LINGO1: variants seen among roughly 807,000 people sequenced by gnomAD.
The protein encoded by LINGO1 is leucine rich repeat and Ig domain containing 1.
LINGO1 carries 11 observed loss-of-function variants against 37.3 expected under a neutral mutation model. The observed-to-expected ratio is 0.29, with a 90% confidence interval of 0.19 to 0.49. The LOEUF is 0.49. Ranked by LOEUF, LINGO1 falls within the 20% of genes least tolerant of loss-of-function variation. The probability of loss-of-function intolerance (pLI) is 0.99; values close to 1 mark genes in which losing one functional copy is unlikely to be tolerated. For synonymous variants in LINGO1, 387 were observed against 403.0 expected (o/e 0.96, Z 0.48); for missense variants, 585 against 878.2 (o/e 0.67, Z 4.22).
chr15:77,666,526 T>C (rs2075134346), intron 3 of LINGO1, among the ~76,000 whole-genome samples: 1 of 152,138 alleles, frequency 6.6e-6, no homozygotes, highest in South Asian at 2.1e-4. Context: ...GGGGAAGAGA[T>C]GCAGGTGAAG....
chr15:77,750,048 C>T (rs1359358391), intron 1 of LINGO1, among the ~76,000 whole-genome samples: 1 of 152,090 alleles, frequency 6.6e-6, no homozygotes, highest in East Asian at 1.9e-4. Context: ...CTGACTCAGG[C>T]TGGGCTCTCT....
intron 1 of LINGO1, among the ~76,000 whole-genome samples, chr15:77,771,060 G>A (rs1206046944): frequency 6.6e-6 from 1 of 152,312 alleles, no homozygotes; most frequent in South Asian, 2.1e-4. Context: ...TCAGAGAGAG[G>A]AGAGGTCAAA....
chr15:77,762,172 T>TG (rs1253327036), intron 1 of LINGO1, among the ~76,000 whole-genome samples: 1 of 152,118 alleles, frequency 6.6e-6, no homozygotes, highest in Non-Finnish European at 1.5e-5. Flanking sequence ...CAGTCCTTGC[T>TG]GGGGGAAGGC....
chr15:77,802,106 A>G (rs554252157), intron 1 of LINGO1, among the ~76,000 whole-genome samples: 3 of 152,170 alleles, frequency 2.0e-5, no homozygotes, highest in South Asian at 2.1e-4. Context: ...GTTTCTCCCT[A>G]TATGTACAGA....
At chr15:77,764,084 T>TC (rs1167150875) in intron 1 of LINGO1, among the ~76,000 whole-genome samples, 1 of 152,178 alleles carries the variant, frequency 6.6e-6, no homozygotes, top group Non-Finnish European at 1.5e-5. Context: ...TAACGCATTT[T>TC]CCCCCACAGC....
rs577541833 is a variant in LINGO1, at chr15:77,737,679, C to T, written c.-256-2626G>A. 2.6e-5 allele frequency among the ~76,000 whole-genome samples: 4 copies of T among 151,858 alleles called. No homozygotes were observed. In the South Asian group the frequency reaches 8.3e-4, roughly 32 times the overall value. Reference sequence around the variant, plus strand: ...CCTCAGTTTTGCCAAGCCCAATAGTCACTCTCTGTCCCCTCACTGGTCCCT... The same window carrying T: ...CCTCAGTTTTGCCAAGCCCAATAGTTACTCTCTGTCCCCTCACTGGTCCCT... On this transcript the variant is annotated intron_variant, in intron 1 of 3. Transcript: ENST00000561686.
At chr15:77,782,648 C>T (rs2076731665) in intron 1 of LINGO1, among the ~76,000 whole-genome samples, 1 of 151,964 alleles carries the variant, frequency 6.6e-6, no homozygotes, top group African/African-American at 2.4e-5. Flanking sequence ...ATTGAACCCG[C>T]CCCGACCAGG....
At chr15:77,742,670 A>C (rs2076275820) in intron 1 of LINGO1, among the ~76,000 whole-genome samples, 1 of 152,220 alleles carries the variant, frequency 6.6e-6, no homozygotes, top group Non-Finnish European at 1.5e-5. Context: ...TATTCTGCAA[A>C]ACCATAACTT....
chr15:77,698,059 G>A (rs1237441695), upstream of LINGO1, among the ~76,000 whole-genome samples: 3 of 152,304 alleles, frequency 2.0e-5, no homozygotes, highest in South Asian at 6.2e-4. Flanking sequence ...ATGGATTTCA[G>A]GCAGGCGGAA....
chr15:77,660,674 G>A (rs894585119), intron 3 of LINGO1, among the ~76,000 whole-genome samples: 8 of 152,240 alleles, frequency 5.3e-5, no homozygotes, highest in Non-Finnish European at 1.0e-4. Flanking sequence ...GATGAATTAA[G>A]GGACTTCATA....
chr15:77,783,722 T>A (rs527797347), intron 1 of LINGO1, among the ~76,000 whole-genome samples: 1 of 152,174 alleles, frequency 6.6e-6, no homozygotes, highest in Non-Finnish European at 1.5e-5. Flanking sequence ...CCATGTCTTA[T>A]AGAGGAAGAA....
chr15:77,776,456 G>A (rs1026875293), intron 1 of LINGO1, among the ~76,000 whole-genome samples: 11 of 121,956 alleles, frequency 9.0e-5, no homozygotes, highest in East Asian at 6.4e-4. Flanking sequence ...TTAGCAGGAA[G>A]GCAGGAAGGC....
At chr15:77,642,596 G>A (rs2074533316) in intron 3 of LINGO1, among the ~76,000 whole-genome samples, 1 of 152,172 alleles carries the variant, frequency 6.6e-6, no homozygotes, top group Non-Finnish European at 1.5e-5. Context: ...GGGCAGTCTG[G>A]GCCTAGGGAA....
chr15:77,681,011 C>A (rs576249258), intron 2 of LINGO1, among the ~76,000 whole-genome samples: 62 of 152,212 alleles, frequency 4.1e-4, no homozygotes, highest in African/African-American at 1.5e-3. Flanking sequence ...TGATAAACGC[C>A]CCTGCGACTT....
At chr15:77,785,019 C>T (rs1481530551) in intron 1 of LINGO1, 1 of 152,298 alleles carries the variant, frequency 6.6e-6, no homozygotes, top group Non-Finnish European at 1.5e-5. Context: ...ACTGAAAAAG[C>T]ATGATGTGTG....
upstream of LINGO1, among the ~76,000 whole-genome samples, chr15:77,697,850 C>T (rs547528148): frequency 5.3e-5 from 8 of 152,152 alleles, no homozygotes; most frequent in African/African-American, 1.9e-4. Context: ...TGGGGAAGGG[C>T]ACCGCAGACT....
chr15:77,770,735 C>T (rs1197199021), intron 1 of LINGO1, among the ~76,000 whole-genome samples: 1 of 152,206 alleles, frequency 6.6e-6, no homozygotes, highest in Non-Finnish European at 1.5e-5. Flanking sequence ...GCATCCTCCT[C>T]ACTTCAGCAG....
intron 2 of LINGO1, among the ~76,000 whole-genome samples, chr15:77,710,471 G>A (rs749229458): frequency 6.6e-6 from 1 of 152,198 alleles, no homozygotes; most frequent in Non-Finnish European, 1.5e-5. Context: ...AGATTAATGA[G>A]GTTTACAGAG....
intron 2 of LINGO1, among the ~76,000 whole-genome samples, chr15:77,714,279 C>T (rs903866117): frequency 6.6e-6 from 1 of 152,136 alleles, no homozygotes; most frequent in African/African-American, 2.4e-5. Context: ...CCATTTTGAC[C>T]TAGGCCTCCA....
Sources: gnomAD v4.1 joint callset for allele counts (sites outside exome capture counted in the v4.1 genomes callset) on GRCh38, gnomAD v4.1.1 for gene constraint, MANE v1.5 for transcripts, NCBI Gene and HGNC (gene_info 2026-07-23, HGNC 2026-07-21) for gene names.